PCDH15: variants seen among roughly 807,000 people sequenced by gnomAD.
PCDH15 encodes protocadherin related 15.
Under a neutral mutation model 178.5 loss-of-function variants are expected in PCDH15, and 129 were observed. That is an observed-to-expected ratio of 0.72 (90% confidence interval 0.63 to 0.84). The LOEUF (loss-of-function observed/expected upper bound fraction) is 0.84. Ranked by LOEUF, PCDH15 falls within the 40% of genes least tolerant of loss-of-function variation. The pLI, the probability that PCDH15 is intolerant of heterozygous loss-of-function variation, is 0.00. For synonymous variants in PCDH15, 800 were observed against 732.0 expected (o/e 1.09, Z -1.50); for missense variants, 2,230 against 2,099.9 (o/e 1.06, Z -1.21).
chr10:55,433,112 G>T (rs1346853879), intron 2 of PCDH15, among the ~76,000 whole-genome samples: 3 of 151,934 alleles, frequency 2.0e-5, no homozygotes, highest in Admixed American at 6.6e-5. Context: ...ATACCCAAAT[G>T]AATATAAGTT....
At chr10:55,286,050 A>G (rs2132262701) in intron 1 of PCDH15, among the ~76,000 whole-genome samples, 1 of 152,122 alleles carries the variant, frequency 6.6e-6, no homozygotes, top group African/African-American at 2.4e-5. Context: ...AAATGTTATG[A>G]ACATGAAACT....
At chr10:53,808,225 C>CGT (rs1468791460) in intron 37 of PCDH15, 3 of 183,914 alleles carry the variant, frequency 1.6e-5, no homozygotes, top group Non-Finnish European at 3.1e-5. Flanking sequence ...CCAGTTGAAA[C>CGT]GTACATATAT....
At position 54,131,033 on chromosome 10, in the gene PCDH15, A is replaced by G. The variant is rs2042394154; in HGVS notation, c.1917+1842T>C. Among the ~76,000 whole-genome samples the G allele has an allele frequency of 2.0e-5, 3 of 152,162 alleles. No individual in the cohort carries two copies. In the South Asian group the frequency reaches 6.2e-4, roughly 32 times the overall value. On this transcript the variant is annotated intron_variant, in intron 15 of 37. Coordinates refer to ENST00000644397, the MANE Select transcript of PCDH15 (RefSeq NM_001384140.1). Reference sequence around the variant, plus strand: ...GCATCCTTTCTTTTCCTTCTACCAGAAGCACAAAGGGTGAATAGAAATGTC... The same window carrying G: ...GCATCCTTTCTTTTCCTTCTACCAGGAGCACAAAGGGTGAATAGAAATGTC...
At chr10:55,204,735 T>G (rs1372853908) in intron 1 of PCDH15, among the ~76,000 whole-genome samples, 2 of 152,030 alleles carry the variant, frequency 1.3e-5, no homozygotes, top group Non-Finnish European at 2.9e-5. Context: ...TTTAATAGTA[T>G]GAAAATAAAA....
intron 8 of PCDH15, among the ~76,000 whole-genome samples, chr10:54,265,486 TA>T (rs1052778076): frequency 0.023 from 3,315 of 144,550 alleles, 95 homozygotes; most frequent in African/African-American, 0.065. Context: ...GAATTGGAAT[TA>T]AAAAAAAAAA....
At chr10:54,191,262 G>T (rs1167417610) in intron 11 of PCDH15, among the ~76,000 whole-genome samples, 1 of 152,164 alleles carries the variant, frequency 6.6e-6, no homozygotes, top group Non-Finnish European at 1.5e-5. Flanking sequence ...TTTCAAGTTG[G>T]AAGTATAGAA....
chr10:53,971,728 C>T (rs1335478646), intron 21 of PCDH15, among the ~76,000 whole-genome samples: 2 of 152,142 alleles, frequency 1.3e-5, no homozygotes, highest in East Asian at 1.9e-4. Flanking sequence ...ACCCTACTTA[C>T]AAGGGATGTG....
At chr10:54,668,152 T>C (rs907602516) in intron 1 of PCDH15, among the ~76,000 whole-genome samples, 1 of 151,938 alleles carries the variant, frequency 6.6e-6, no homozygotes. Context: ...TTATGGAGGG[T>C]CTACTAGATA....
chr10:55,113,697 A>T (rs1018630868), intron 2 of PCDH15, among the ~76,000 whole-genome samples: 6 of 152,160 alleles, frequency 3.9e-5, no homozygotes, highest in African/African-American at 4.8e-5. Context: ...TTCATCAGGT[A>T]TGAAGATCTA....
rs145187650 is a variant in PCDH15 at position 55,197,349 on chromosome 10, C to T, written c.-155-30698G>A. ...CAGCATCTTTTTGCTCTAAAACACACTTTTGAATACTTGCAGAAGGAAATC... is the reference window on the plus strand; with the variant it reads ...CAGCATCTTTTTGCTCTAAAACACATTTTTGAATACTTGCAGAAGGAAATC... On this transcript the variant is annotated intron_variant, in intron 1 of 5. Transcript: ENST00000458638. Among the ~76,000 whole-genome samples, 24 of 152,134 alleles carry T rather than the reference C, an allele frequency of 1.6e-4. No individual in the cohort carries two copies. The South Asian group carries it at 5.0e-3, about 31-fold the overall frequency.
rs116247440 is a variant in PCDH15, at chr10:55,316,608, A to G, written c.-156+2991T>C. On this transcript the variant is annotated intron_variant, in intron 1 of 5. Transcript: ENST00000458638. The stretch of plus-strand genomic sequence containing the variant: ...CTTCAGCTTGTATTTGTTTTGGAAT[A>G]CATTAATGAAGACAGATTTTATAAA... Among the ~76,000 whole-genome samples the G allele has an allele frequency of 5.6e-3, 854 of 152,266 alleles. 10 individuals carry two copies. Among genetic ancestry groups the G allele is most frequent in the African/African-American group, 0.02 (815 of 41,564 alleles).
intron 3 of PCDH15, among the ~76,000 whole-genome samples, chr10:54,449,939 T>C (rs1036901176): frequency 1.3e-4 from 19 of 151,594 alleles, no homozygotes; most frequent in African/African-American, 4.1e-4. Flanking sequence ...CCTCTTGCTG[T>C]TGACTTAAGG....
At chr10:54,331,300 G>A (rs1939504535) in intron 6 of PCDH15, among the ~76,000 whole-genome samples, 1 of 151,304 alleles carries the variant, frequency 6.6e-6, no homozygotes, top group African/African-American at 2.4e-5. Flanking sequence ...TTTCTCTCGG[G>A]GATGCATAAA....
At chr10:54,238,234 C>T (rs1281245116) in intron 8 of PCDH15, among the ~76,000 whole-genome samples, 2 of 151,946 alleles carry the variant, frequency 1.3e-5, no homozygotes, top group African/African-American at 4.8e-5. Context: ...TCTCAAATGA[C>T]AGAACATTGA....
intron 15 of PCDH15, among the ~76,000 whole-genome samples, chr10:54,120,967 C>A (rs1216858860): frequency 2.0e-5 from 3 of 151,986 alleles, no homozygotes; most frequent in South Asian, 4.1e-4. Context: ...GAATACTCCA[C>A]CCATGCACCA....
intron 1 of PCDH15, among the ~76,000 whole-genome samples, chr10:55,215,380 G>A (rs1840676326): frequency 6.6e-6 from 1 of 152,086 alleles, no homozygotes; most frequent in African/African-American, 2.4e-5. Context: ...CATTTGTACA[G>A]TGGGCAGTAT....
chr10:55,388,828 G>A (rs1837725345), intron 2 of PCDH15, among the ~76,000 whole-genome samples: 1 of 152,014 alleles, frequency 6.6e-6, no homozygotes, highest in South Asian at 2.1e-4. Context: ...ATAACATTTA[G>A]TTTGTGGGAA....
intron 21 of PCDH15, among the ~76,000 whole-genome samples, chr10:53,986,161 T>G (rs2091084386): frequency 6.6e-6 from 1 of 151,832 alleles, no homozygotes. Flanking sequence ...TTGAATAACT[T>G]TTTCAAAAAA....
intron 2 of PCDH15, among the ~76,000 whole-genome samples, chr10:55,587,717 A>T (rs1842753241): frequency 6.6e-6 from 1 of 152,216 alleles, no homozygotes. Flanking sequence ...ATTTAGATCC[A>T]TCTACTTTGA....
Sources: gnomAD v4.1 joint callset for allele counts (sites outside exome capture counted in the v4.1 genomes callset) on GRCh38, gnomAD v4.1.1 for gene constraint, MANE v1.5 for transcripts, NCBI Gene and HGNC (gene_info 2026-07-23, HGNC 2026-07-21) for gene names.